The following HSD11B1 variants were observed in gnomAD, a reference collection of about 807,000 sequenced individuals.
The protein encoded by HSD11B1 is 11-beta-hydroxysteroid dehydrogenase 1.
A neutral mutation model predicts 22.1 loss-of-function variants in HSD11B1; 15 were observed. The ratio of observed to expected loss-of-function variants is 0.68; its 90% confidence interval spans 0.45 to 1.04. The LOEUF (loss-of-function observed/expected upper bound fraction) is 1.04, where lower values mean the gene tolerates loss of function less well. Ranked by LOEUF, HSD11B1 falls within the 50% of genes least tolerant of loss-of-function variation. The pLI is 0.00. For missense variants in HSD11B1, 281 were observed against 357.6 expected (o/e 0.79, Z 1.73); for synonymous variants, 122 against 125.2 (o/e 0.97, Z 0.17).
At chr1:209,720,387 A>G (rs182618238) in intron 4 of HSD11B1, among the ~76,000 whole-genome samples, 7 of 152,280 alleles carry the variant, frequency 4.6e-5, no homozygotes, top group Middle Eastern at 3.4e-3. Context: ...ACATCCATCA[A>G]TAGCGCGCTG....
intron 4 of HSD11B1, among the ~76,000 whole-genome samples, chr1:209,728,765 T>C (rs1415542): frequency 0.21 from 31,631 of 151,998 alleles, 3,368 homozygotes; most frequent in African/African-American, 0.21. Context: ...AAAAATGTGT[T>C]GGAAGAAAAA....
intron 4 of HSD11B1, among the ~76,000 whole-genome samples, chr1:209,712,420 T>G (rs892307471): frequency 6.6e-6 from 1 of 152,192 alleles, no homozygotes; most frequent in Non-Finnish European, 1.5e-5. Flanking sequence ...GGTACTATGT[T>G]GAATTCACAG....
At chr1:209,708,960 C>A (rs571914749) in intron 4 of HSD11B1, among the ~76,000 whole-genome samples, 1 of 152,310 alleles carries the variant, frequency 6.6e-6, no homozygotes, top group South Asian at 2.1e-4. Context: ...TGCCTTGAAA[C>A]CTGTCTATGA....
intron 4 of HSD11B1, among the ~76,000 whole-genome samples, chr1:209,711,040 A>C (rs936270896): frequency 2.6e-5 from 4 of 152,214 alleles, no homozygotes; most frequent in Admixed American, 2.6e-4. Flanking sequence ...CTCTGTGGGA[A>C]AACTCAAACC....
intron 4 of HSD11B1, among the ~76,000 whole-genome samples, chr1:209,710,041 G>A (rs1166626401): frequency 2.0e-5 from 3 of 152,016 alleles, no homozygotes; most frequent in South Asian, 2.1e-4. Context: ...CCGGCAGTGC[G>A]TGCAGGGGAC....
At chr1:209,709,813 G>A (rs887121439) in intron 4 of HSD11B1, among the ~76,000 whole-genome samples, 2 of 152,142 alleles carry the variant, frequency 1.3e-5, no homozygotes, top group African/African-American at 4.8e-5. Context: ...CTAAAAATCA[G>A]AAGTTCTATT....
In HSD11B1 at chr1:209,704,896, TTC is replaced by T. The variant is rs769757299; in HGVS notation, c.-41_-40del. On this transcript the variant is annotated 5_prime_UTR_variant, in exon 1 of 6. Coordinates refer to ENST00000367027, the MANE Select transcript of HSD11B1 (RefSeq NM_005525.4). ...AGGAGGTTGTAGAAAGCTCTGTAGG[TTC>T]TCTCTGTGTGTCCTACAGGAGTCTT... 3 of 1,416,636 alleles carry T rather than the reference TTC, an allele frequency of 2.1e-6. No homozygotes were observed. Among genetic ancestry groups the T allele is most frequent in the Non-Finnish European group, 3.0e-6 (3 of 1,000,646 alleles). 87.8% of individuals were successfully genotyped at this position (1,416,636 alleles called of 1,614,324 possible). A position where few individuals can be genotyped will look rare whatever the true frequency, so the allele number is the denominator to read the frequency against.
chr1:209,694,170 A>G (rs2076777275), intron 1 of HSD11B1, among the ~76,000 whole-genome samples: 1 of 152,166 alleles, frequency 6.6e-6, no homozygotes, highest in African/African-American at 2.4e-5. Flanking sequence ...TCCCAATTCT[A>G]TATCTTTAAC....
chr1:209,705,679 T>A, intron 1 of HSD11B1, 132 bp from the exon 2 acceptor site: 3 of 1,123,776 alleles, frequency 2.7e-6, no homozygotes, highest in Non-Finnish European at 4.0e-6. Flanking sequence ...ATTTACGGAG[T>A]TTGTGACAAA....
chr1:209,692,438 G>C (rs1189792792), intron 1 of HSD11B1, among the ~76,000 whole-genome samples: 1 of 152,092 alleles, frequency 6.6e-6, no homozygotes, highest in East Asian at 1.9e-4. Context: ...ATGGTGACTG[G>C]TGGATGGAAA....
intron 4 of HSD11B1, among the ~76,000 whole-genome samples, chr1:209,713,398 T>C (rs1464494544): frequency 6.6e-6 from 1 of 152,246 alleles, no homozygotes; most frequent in Non-Finnish European, 1.5e-5. Flanking sequence ...TGTGTATGCA[T>C]GCATGTGTAA....
chr1:209,729,050 A>G (rs1163378127), intron 4 of HSD11B1, among the ~76,000 whole-genome samples: 1 of 152,154 alleles, frequency 6.6e-6, no homozygotes, highest in Non-Finnish European at 1.5e-5. Flanking sequence ...ACCTAAAATA[A>G]TAGTGGATTC....
chr1:209,691,804 C>T (rs930666691), intron 1 of HSD11B1, among the ~76,000 whole-genome samples: 3 of 152,062 alleles, frequency 2.0e-5, no homozygotes, highest in South Asian at 2.1e-4. Context: ...GTTGTAAAAA[C>T]GCAAAATCCC....
chr1:209,691,683 T>C (rs1215090169), intron 1 of HSD11B1, among the ~76,000 whole-genome samples: 2 of 152,240 alleles, frequency 1.3e-5, no homozygotes, highest in Admixed American at 6.5e-5. Context: ...TAGTATACTA[T>C]ATTGTTCAGC....
intron 4 of HSD11B1, among the ~76,000 whole-genome samples, chr1:209,713,720 C>T (rs749855524): frequency 1.4e-4 from 21 of 152,000 alleles, no homozygotes; most frequent in Non-Finnish European, 2.6e-4. Flanking sequence ...CTTATAATAC[C>T]TAATACAATG....
chr1:209,705,162 G>T (rs901343927), intron 1 of HSD11B1, 132 bp downstream of exon 1: 2 of 757,504 alleles, frequency 2.6e-6, no homozygotes, highest in Non-Finnish European at 2.4e-6. Flanking sequence ...AGTTAAGATG[G>T]TATTTTTGTG....
upstream of HSD11B1, among the ~76,000 whole-genome samples, chr1:209,700,352 C>T (rs934527752): frequency 7.9e-5 from 12 of 152,242 alleles, no homozygotes; most frequent in Non-Finnish European, 1.5e-4. Context: ...CTCAACACCA[C>T]GCGGAAGCTT....
upstream of HSD11B1, among the ~76,000 whole-genome samples, chr1:209,704,353 G>T (rs1027339339): frequency 2.0e-5 from 3 of 149,432 alleles, no homozygotes; most frequent in Non-Finnish European, 3.0e-5. Flanking sequence ...GGCTTATAGA[G>T]CTTCTTTGCT....
At chr1:209,720,294 A>G (rs539120585) in intron 4 of HSD11B1, among the ~76,000 whole-genome samples, 1 of 152,272 alleles carries the variant, frequency 6.6e-6, no homozygotes, top group Non-Finnish European at 1.5e-5. Flanking sequence ...AACGTGAAGA[A>G]CAAAAGTTAC....
Sources: gnomAD v4.1 joint callset for allele counts (sites outside exome capture counted in the v4.1 genomes callset) on GRCh38, gnomAD v4.1.1 for gene constraint, MANE v1.5 for transcripts, NCBI Gene and HGNC (gene_info 2026-07-23, HGNC 2026-07-21) for gene names.